The following UBE2D2 variants were observed in gnomAD, a reference collection of about 807,000 sequenced individuals.
The protein encoded by UBE2D2 is ubiquitin conjugating enzyme E2 D2.
UBE2D2 carries 2 observed loss-of-function variants against 24.2 expected under a neutral mutation model. The ratio of observed to expected loss-of-function variants is 0.08; its 90% CI spans 0.03 to 0.26. UBE2D2 has a LOEUF of 0.26. Among genes scored for constraint, UBE2D2 ranks in the 10% least tolerant of loss-of-function variants. The pLI is 1.00. For synonymous variants in UBE2D2, 58 were observed against 56.5 expected, an observed-to-expected ratio of 1.03 and a Z score of -0.12; for missense variants, 44 against 177.6, an observed-to-expected ratio of 0.25 and a Z score of 4.28.
chr5:139,555,733 C>T (rs1024045733), intron 1 of UBE2D2, among the ~76,000 whole-genome samples: 2 of 150,576 alleles, frequency 1.3e-5, no homozygotes, highest in Non-Finnish European at 2.9e-5. Context: ...TAGAGATCAT[C>T]CTGGCCAACA....
At chr5:139,605,953 C>T (rs1053928093) in intron 2 of UBE2D2, among the ~76,000 whole-genome samples, 4 of 152,002 alleles carry the variant, frequency 2.6e-5, no homozygotes, top group Admixed American at 1.3e-4. Flanking sequence ...ATGTTTCCTA[C>T]GCTGGTCTTG....
chr5:139,561,314 G>C (rs554774328), upstream of UBE2D2: 1 of 152,532 alleles, frequency 6.6e-6, no homozygotes, highest in Admixed American at 6.6e-5. Context: ...CCTGCCCCTC[G>C]GTCGGGCCCA....
intron 5 of UBE2D2, among the ~76,000 whole-genome samples, chr5:139,615,350 TGGCA>T (rs1754400612): frequency 6.6e-5 from 10 of 152,146 alleles, no homozygotes; most frequent in Middle Eastern, 3.2e-3. Context: ...CTGGGCATGG[TGGCA>T]GGTGCCTGTA....
chr5:139,580,469 T>G (rs1219525411), intron 1 of UBE2D2, among the ~76,000 whole-genome samples: 2 of 152,092 alleles, frequency 1.3e-5, no homozygotes, highest in African/African-American at 4.8e-5. Context: ...CTACAAATTT[T>G]TTTCTTTTTT....
At chr5:139,616,166 A>G (rs1166741072) in intron 5 of UBE2D2, among the ~76,000 whole-genome samples, 1 of 150,246 alleles carries the variant, frequency 6.7e-6, no homozygotes, top group African/African-American at 2.4e-5. Flanking sequence ...GAAAACAAAA[A>G]CAAGTATTTA....
chr5:139,551,917 G>T (rs2126639770), intron 1 of UBE2D2, among the ~76,000 whole-genome samples: 1 of 152,310 alleles, frequency 6.6e-6, no homozygotes, highest in African/African-American at 2.4e-5. Flanking sequence ...TTTCAATGAA[G>T]TGGGGCATGG....
intron 1 of UBE2D2, among the ~76,000 whole-genome samples, chr5:139,597,018 C>T (rs1753976966): frequency 6.6e-6 from 1 of 151,366 alleles, no homozygotes; most frequent in Non-Finnish European, 1.5e-5. Context: ...CTGCATCCAG[C>T]CTGAGCAACA....
intron 1 of UBE2D2, among the ~76,000 whole-genome samples, chr5:139,596,058 T>C (rs1753953710): frequency 6.6e-6 from 1 of 150,816 alleles, no homozygotes; most frequent in African/African-American, 2.4e-5. Context: ...CATGCCCGGC[T>C]AATTTTTGTA....
At chr5:139,540,387 TA>T (rs1450315351) in intron 1 of UBE2D2, among the ~76,000 whole-genome samples, 1 of 151,550 alleles carries the variant, frequency 6.6e-6, no homozygotes. Context: ...CATCTTTGTT[TA>T]AAAAAAAGTT....
At position 139,606,741 on chromosome 5, in the gene UBE2D2, G is replaced by T. The variant is rs150792813; in HGVS notation, c.88+6306G>T. ...AAATGTAGCAATATTTTATGCTTAT[G>T]GTCCAGTATTTCATTCAGTAACTAT... On this transcript the variant is annotated intron_variant, in intron 2 of 6. Transcript: ENST00000398733. Among the ~76,000 whole-genome samples the T allele has an allele frequency of 5.9e-5, 9 of 152,246 alleles. No individual in the cohort carries two copies. The East Asian group carries it at 1.5e-3, about 26-fold the overall frequency.
At chr5:139,569,548 TAG>T (rs1753308338) in intron 1 of UBE2D2, among the ~76,000 whole-genome samples, 1 of 152,214 alleles carries the variant, frequency 6.6e-6, no homozygotes, top group South Asian at 2.1e-4. Flanking sequence ...GTTTTGTCTG[TAG>T]AAATAAAGTT....
intron 2 of UBE2D2, 100 bp downstream of exon 2, chr5:139,600,535 G>A (rs1379613872): frequency 2.5e-6 from 3 of 1,215,286 alleles, no homozygotes; most frequent in East Asian, 2.5e-5. Context: ...TTAACCCTTA[G>A]TGGCCCATGA....
chr5:139,550,908 G>T (rs1752910332), intron 1 of UBE2D2, among the ~76,000 whole-genome samples: 2 of 152,138 alleles, frequency 1.3e-5, no homozygotes, highest in African/African-American at 4.8e-5. Flanking sequence ...AGAGTCTGGG[G>T]CTTCATTCTT....
chr5:139,536,983 T>C (rs577286497), intron 1 of UBE2D2, among the ~76,000 whole-genome samples: 3 of 151,886 alleles, frequency 2.0e-5, no homozygotes, highest in African/African-American at 7.3e-5. Flanking sequence ...ATCGAGACCA[T>C]CCTGGCTAAC....
intron 2 of UBE2D2, among the ~76,000 whole-genome samples, chr5:139,606,464 G>C (rs1754203210): frequency 6.6e-6 from 1 of 151,832 alleles, no homozygotes; most frequent in Non-Finnish European, 1.5e-5. Context: ...CGCCCGGCCT[G>C]TCCCTTTTAA....
At chr5:139,540,716 C>A (rs1331798112) in intron 1 of UBE2D2, among the ~76,000 whole-genome samples, 2 of 152,118 alleles carry the variant, frequency 1.3e-5, no homozygotes, top group Non-Finnish European at 2.9e-5. Flanking sequence ...TTGGGTCAGG[C>A]ACGGTGGTTC....
At chr5:139,586,626 G>T (rs1455419665) in intron 1 of UBE2D2, among the ~76,000 whole-genome samples, 2 of 152,116 alleles carry the variant, frequency 1.3e-5, no homozygotes, top group Admixed American at 1.3e-4. Context: ...TTAGCCGGGC[G>T]TGGTGGTGGG....
rs1451178011 is a variant in UBE2D2 at position 139,604,358 on chromosome 5, G to A, written c.88+3923G>A. Among the ~76,000 whole-genome samples, 6 of 151,844 alleles carry A rather than the reference G, an allele frequency of 4.0e-5. 1 individual carries two copies. Among genetic ancestry groups the A allele is most frequent in the South Asian group, 4.1e-4 (2 of 4,822 alleles). On this transcript the variant is annotated intron_variant, in intron 2 of 6. Coordinates refer to ENST00000398733, the MANE Select transcript of UBE2D2 (RefSeq NM_003339.3). ...TCACCATGTTGGCCAGGCTGGTCTT[G>A]AACTCCTGACCTCAAGTGATCCGCC...
At chr5:139,554,506 G>A (rs192793648) in intron 1 of UBE2D2, among the ~76,000 whole-genome samples, 11 of 152,248 alleles carry the variant, frequency 7.2e-5, no homozygotes, top group African/African-American at 2.6e-4. Flanking sequence ...TCAATAGTTT[G>A]ACCTGTTGTT....
Sources: gnomAD v4.1 joint callset for allele counts (sites outside exome capture counted in the v4.1 genomes callset) on GRCh38, gnomAD v4.1.1 for gene constraint, MANE v1.5 for transcripts, NCBI Gene and HGNC (gene_info 2026-07-23, HGNC 2026-07-21) for gene names.